Variants in SLC2A9 observed in about 807,000 individuals in gnomAD.
SLC2A9 encodes solute carrier family 2, facilitated glucose transporter member 9.
A neutral mutation model predicts 50.6 loss-of-function variants in SLC2A9; 39 were observed. The ratio of observed to expected loss-of-function variants is 0.77; its 90% CI spans 0.60 to 1.01. The LOEUF (loss-of-function observed/expected upper bound fraction) is 1.01. Among genes scored for constraint, SLC2A9 ranks in the 50% least tolerant of loss-of-function variants. The pLI, the probability that SLC2A9 is intolerant of heterozygous loss-of-function variation, is 0.00. For synonymous variants in SLC2A9, 324 were observed against 276.9 expected (o/e 1.17, Z -1.69); for missense variants, 686 against 677.6 (o/e 1.01, Z -0.14).
At chr4:9,985,444 C>A (rs566024562) in intron 4 of SLC2A9, among the ~76,000 whole-genome samples, 4 of 152,190 alleles carry the variant, frequency 2.6e-5, no homozygotes, top group African/African-American at 4.8e-5. Context: ...GGGTAGACTG[C>A]GGACCCTGCC....
At chr4:9,890,148 T>G (rs1297852400) in intron 9 of SLC2A9, among the ~76,000 whole-genome samples, 1 of 152,078 alleles carries the variant, frequency 6.6e-6, no homozygotes, top group Non-Finnish European at 1.5e-5. Flanking sequence ...TCATTACAAG[T>G]AAGGAAAAGC....
At chr4:10,013,389 G>T (rs1762091013) in intron 2 of SLC2A9, among the ~76,000 whole-genome samples, 1 of 152,178 alleles carries the variant, frequency 6.6e-6, no homozygotes, top group African/African-American at 2.4e-5. Flanking sequence ...AGATCCTGGG[G>T]ATTCTTGGAA....
intron 1 of SLC2A9, among the ~76,000 whole-genome samples, chr4:9,774,178 G>A (rs1717211479): frequency 6.6e-6 from 1 of 151,958 alleles, no homozygotes; most frequent in Non-Finnish European, 1.5e-5. Flanking sequence ...ATTTTTAGTA[G>A]AGATGGGGTT....
intron 2 of SLC2A9, among the ~76,000 whole-genome samples, chr4:10,017,262 CA>C (rs1762771824): frequency 6.6e-6 from 1 of 152,342 alleles, no homozygotes; most frequent in South Asian, 2.1e-4. Flanking sequence ...GTAAGTTTCA[CA>C]TAACTCTGCT....
chr4:10,007,097 G>A (rs142544381), intron 2 of SLC2A9, among the ~76,000 whole-genome samples: 59 of 152,326 alleles, frequency 3.9e-4, no homozygotes, highest in African/African-American at 1.1e-3. Flanking sequence ...TTCCACCACT[G>A]TGATCAGTCA....
chr4:9,920,606 G>A (rs760911947), intron 6 of SLC2A9, 34 bp from the exon 7 acceptor site: 2 of 1,613,052 alleles, frequency 1.2e-6, no homozygotes, highest in Admixed American at 3.3e-5. Flanking sequence ...CTTTCAGCAG[G>A]GATTAGAGTG....
chr4:10,016,142 A>T (rs1578352125), intron 2 of SLC2A9, among the ~76,000 whole-genome samples: 1 of 152,352 alleles, frequency 6.6e-6, no homozygotes, highest in South Asian at 2.1e-4. Context: ...AAGACTGAAC[A>T]CCTTGCTGCG....
rs78757705 is a variant in SLC2A9 at position 9,868,495 on chromosome 4, G to A, written c.1291+19072C>T. ...CAGAATTGTTTACTACCCTGAAGGG[G>A]AAATGCTATCCACCCATTTATTTCA... On this transcript the variant is annotated intron_variant, in intron 10 of 11. Coordinates refer to ENST00000264784, the MANE Select transcript of SLC2A9 (RefSeq NM_020041.3). Among the ~76,000 whole-genome samples the A allele has an allele frequency of 7.7e-3, 1,177 of 152,348 alleles. 13 individuals carry two copies. Among genetic ancestry groups the A allele is most frequent in the Admixed American group, 0.014 (221 of 15,308 alleles).
intron 5 of SLC2A9, among the ~76,000 whole-genome samples, chr4:9,971,952 C>T (rs4333184): frequency 0.079 from 11,987 of 152,290 alleles, 992 homozygotes; most frequent in East Asian, 0.47. Context: ...ACCCTTGTTA[C>T]TGATCCTTCT....
chr4:9,794,779 G>A (rs1477533037), downstream of SLC2A9, among the ~76,000 whole-genome samples: 1 of 152,154 alleles, frequency 6.6e-6, no homozygotes, highest in Non-Finnish European at 1.5e-5. Context: ...TCAGCAGCTT[G>A]AGAAGAAAGC....
chr4:9,821,405 C>T (rs186863868), downstream of SLC2A9, among the ~76,000 whole-genome samples: 104 of 151,958 alleles, frequency 6.8e-4, no homozygotes, highest in African/African-American at 2.4e-3. Flanking sequence ...GAACAGAAAA[C>T]GAAACACTGT....
At chr4:9,842,507 G>A (rs577749908) in intron 10 of SLC2A9, among the ~76,000 whole-genome samples, 21 of 152,186 alleles carry the variant, frequency 1.4e-4, no homozygotes, top group Admixed American at 2.0e-4. Context: ...TTACAGATTC[G>A]GAAACTGAAA....
At chr4:9,816,109 G>C (rs995671695) in intron 3 of SLC2A9, among the ~76,000 whole-genome samples, 1 of 152,166 alleles carries the variant, frequency 6.6e-6, no homozygotes, top group African/African-American at 2.4e-5. Context: ...GGCAGAGGCT[G>C]CAGTGAGCTG....
intron 10 of SLC2A9, among the ~76,000 whole-genome samples, chr4:9,839,488 A>G (rs1017113943): frequency 1.3e-5 from 2 of 152,198 alleles, no homozygotes; most frequent in African/African-American, 4.8e-5. Flanking sequence ...TACCAGGTAT[A>G]TACCCAAAGG....
chr4:9,986,935 C>T (rs1248848417), intron 3 of SLC2A9, among the ~76,000 whole-genome samples: 1 of 152,158 alleles, frequency 6.6e-6, no homozygotes, highest in Admixed American at 6.5e-5. Context: ...CTTTTCCTCA[C>T]TTTTGCAAAA....
At chr4:9,962,078 T>C (rs1299616215) in intron 5 of SLC2A9, among the ~76,000 whole-genome samples, 4 of 152,142 alleles carry the variant, frequency 2.6e-5, no homozygotes, top group African/African-American at 7.2e-5. Context: ...CAGATGCTGA[T>C]GGGGCTGTGG....
chr4:9,828,986 C>T (rs1437350098), intron 11 of SLC2A9, among the ~76,000 whole-genome samples: 1 of 152,218 alleles, frequency 6.6e-6, no homozygotes, highest in Non-Finnish European at 1.5e-5. Flanking sequence ...TCCCAGGCCA[C>T]AAACAGGGCT....
intron 2 of SLC2A9, among the ~76,000 whole-genome samples, chr4:10,018,476 C>T (rs1762979261): frequency 1.3e-5 from 2 of 152,030 alleles, no homozygotes. Flanking sequence ...TGGGAGGCGG[C>T]GGTTGCAGTG....
intron 10 of SLC2A9, among the ~76,000 whole-genome samples, chr4:9,862,657 G>A (rs2109408688): frequency 6.6e-6 from 1 of 152,038 alleles, no homozygotes; most frequent in Middle Eastern, 3.4e-3. Context: ...CATCCTCACA[G>A]GGTGGCTTCC....
Sources: allele counts gnomAD v4.1 joint callset (sites outside exome capture counted in the v4.1 genomes callset), GRCh38; gene constraint gnomAD v4.1.1; transcripts MANE v1.5; gene names NCBI Gene and HGNC (gene_info 2026-07-23, HGNC 2026-07-21).